Variants in PRKAG1 observed in about 807,000 individuals in gnomAD.
PRKAG1 encodes 5'-AMP-activated protein kinase subunit gamma-1.
In PRKAG1, 27 loss-of-function variants were observed where a neutral mutation model predicts 48.2. The ratio of observed to expected loss-of-function variants is 0.56; its 90% CI spans 0.41 to 0.77. The LOEUF (loss-of-function observed/expected upper bound fraction) is 0.77. PRKAG1 is among the 30% of genes least tolerant of loss of function. PRKAG1 has a pLI of 0.00. For synonymous variants in PRKAG1, 130 were observed against 147.7 expected, an observed-to-expected ratio of 0.88 and a Z score of 0.87; for missense variants, 287 against 398.3, an observed-to-expected ratio of 0.72 and a Z score of 2.38.
At chr12:49,009,138 T>TA (rs1197177425) in intron 2 of PRKAG1, among the ~76,000 whole-genome samples, 4 of 150,736 alleles carry the variant, frequency 2.7e-5, no homozygotes, top group African/African-American at 4.9e-5. Context: ...TTTTTTTTTT[T>TA]AAAGAGACAG....
chr12:49,014,563 CAG>C (rs1186984272), intron 1 of PRKAG1, among the ~76,000 whole-genome samples: 5 of 152,214 alleles, frequency 3.3e-5, no homozygotes, highest in South Asian at 2.1e-4. Context: ...AGCTCCATGG[CAG>C]AGAGAGAGCC....
At chr12:49,018,412 A>C (rs1163869534) in intron 1 of PRKAG1, 2 of 1,229,612 alleles carry the variant, frequency 1.6e-6, no homozygotes, top group Non-Finnish European at 1.0e-6. Flanking sequence ...TCAAACCTCT[A>C]AAAGGGCTTG....
intron 2 of PRKAG1, chr12:49,008,668 C>T (rs192829718): frequency 6.6e-6 from 1 of 152,238 alleles, no homozygotes; most frequent in African/African-American, 2.4e-5. Context: ...TTATTCTACC[C>T]TCATCCTTGG....
chr12:49,014,869 A>C (rs1941905232), intron 1 of PRKAG1, among the ~76,000 whole-genome samples: 1 of 152,200 alleles, frequency 6.6e-6, no homozygotes. Context: ...GGATCACAAC[A>C]ATTTTCATCT....
At chr12:49,009,507 C>G (rs1324150052) in intron 2 of PRKAG1, 1 of 152,106 alleles carries the variant, frequency 6.6e-6, no homozygotes, top group Non-Finnish European at 1.5e-5. Context: ...ATTTTTGCTA[C>G]TATATTTTTA....
Position 49,002,914 on chromosome 12 carries a change from TC to T in PRKAG1, c.980del (p.Gly327GlufsTer34), listed in dbSNP as rs749866771. ...TTCCCCCAGCTCAGGGCTTCTTCTC[TC>T]CACCTGTGAGCACCAGGGCCTGCAG... is the stretch of plus-strand genomic sequence containing the variant. The part of the protein sequence containing the change: ...DILQALVLTG[G>X]EKKP On this transcript the variant is annotated frameshift_variant, in exon 12 of 12. Coordinates refer to ENST00000548065, the MANE Select transcript of PRKAG1 (RefSeq NM_002733.5). LOFTEE classifies it high-confidence loss of function. 6.2e-7 allele frequency: 1 copy of T among 1,614,118 alleles called. No homozygotes were observed. The highest frequency in any genetic ancestry group is 1.7e-5 in the Admixed American group (1 of 60,028).
rs34210356 is a variant in PRKAG1, at chr12:49,002,908, C to G, written c.987G>C (p.Lys329Asn). The G allele has an allele frequency of 1.8e-4, 298 of 1,614,054 alleles. 1 individual carries two copies. The African/African-American group carries it at 3.6e-3, about 20-fold the overall frequency. The stretch of plus-strand genomic sequence containing the variant: ...GACCCCTTCCCCCAGCTCAGGGCTT[C>G]TTCTCTCCACCTGTGAGCACCAGGG... The part of the protein sequence containing the change: ...LQALVLTGGE[K>N]KP Residue 329 changes from lysine (K) to asparagine (N), a missense_variant, in exon 12 of 12, where the codon AAG becomes AAC. Lys to Asn is a moderately conservative substitution (Grantham distance 94, BLOSUM62 0). Around this residue, in one of 2 missense-constraint regions of PRKAG1, gnomAD observed 224 missense variants for 344.3 expected, o/e 0.65. Transcript: ENST00000548065.
At chr12:49,016,081 G>A (rs1941957982) in intron 1 of PRKAG1, among the ~76,000 whole-genome samples, 1 of 151,902 alleles carries the variant, frequency 6.6e-6, no homozygotes, top group East Asian at 1.9e-4. Context: ...GGGACTACAG[G>A]AACATACCAC....
intron 1 of PRKAG1, among the ~76,000 whole-genome samples, chr12:49,014,943 C>A (rs1460804446): frequency 2.0e-5 from 3 of 152,238 alleles, no homozygotes; most frequent in Non-Finnish European, 4.4e-5. Context: ...AACCATACTT[C>A]ATCCCCATAG....
chr12:49,003,246 C>G lies in PRKAG1; in HGVS notation c.786G>C (p.Val262=). ...EKTYNNLDVS[V]TKALQHRSHY... is the part of the protein sequence containing the mutation. ...GTGATCGATGTTGCAAGGCTTTAGT[C>G]ACAGATACATCTAGGTTGTTGTAGG... Residue 262 remains valine (V), a synonymous_variant, in exon 11 of 12, where the codon GTG becomes GTC. Coordinates refer to ENST00000548065, the MANE Select transcript of PRKAG1 (RefSeq NM_002733.5). 6.2e-7 allele frequency: 1 copy of G among 1,614,134 alleles called. No individual in the cohort carries two copies. The highest frequency in any genetic ancestry group is 8.5e-7 in the Non-Finnish European group (1 of 1,180,030).
At position 49,002,684 on chromosome 12, in the gene PRKAG1, A is replaced by T. The variant is rs976444904; in HGVS notation, c.*215T>A. The T allele has an allele frequency of 6.1e-6, 4 of 653,880 alleles. No individual in the cohort carries two copies. The highest frequency in any genetic ancestry group is 1.1e-5 in the Non-Finnish European group (4 of 359,158). 40.5% of individuals were successfully genotyped at this position (653,880 alleles called of 1,614,324 possible). On this transcript the variant is annotated 3_prime_UTR_variant, in exon 12 of 12. Coordinates refer to ENST00000548065, the MANE Select transcript of PRKAG1 (RefSeq NM_002733.5). ...ACAGGGGCTAGAACTGGCTAGGCTG[A>T]AAGTTTTTTCAAGTGTATGTGTGAG... is the stretch of plus-strand genomic sequence containing the variant.
chr12:49,004,861 G>GTGTA lies in PRKAG1; in HGVS notation c.410+102_410+103insTACA, dbSNP rs1322665271. ...TGTGTGTGTGTGTGTGTGTGTGTGT[G>GTGTA]TCTTTTCTCTCTTCTTCCCCTTTCC... On this transcript the variant is annotated intron_variant, in intron 7 of 11. Transcript: ENST00000548065. 246 of 1,035,282 alleles carry GTGTA rather than the reference G, an allele frequency of 2.4e-4. 1 individual carries two copies. Among genetic ancestry groups the GTGTA allele is most frequent in the Middle Eastern group, 6.0e-4 (2 of 3,360 alleles). 64.1% of individuals were successfully genotyped at this position (1,035,282 alleles called of 1,614,324 possible). A position where few individuals can be genotyped will look rare whatever the true frequency, so the allele number is the denominator to read the frequency against.
At chr12:49,013,880 A>C (rs1469009740) in intron 1 of PRKAG1, among the ~76,000 whole-genome samples, 1 of 151,916 alleles carries the variant, frequency 6.6e-6, no homozygotes, top group Non-Finnish European at 1.5e-5. Flanking sequence ...CATTTTTGTA[A>C]ATTTTTTTGT....
chr12:49,006,968 T>C (rs1172938804), intron 2 of PRKAG1, among the ~76,000 whole-genome samples: 1 of 144,700 alleles, frequency 6.9e-6, no homozygotes, highest in African/African-American at 2.6e-5. Flanking sequence ...AAACTCCGTG[T>C]CAAAAAAATA....
intron 2 of PRKAG1, chr12:49,008,540 G>A (rs542973372): frequency 4.6e-5 from 7 of 152,180 alleles, no homozygotes; most frequent in South Asian, 2.1e-4. Flanking sequence ...CTCCTATATC[G>A]CGTTTTTATC....
chr12:49,004,803 G>A, intron 7 of PRKAG1, 161 bp downstream of exon 7: 1 of 1,291,724 alleles, frequency 7.7e-7, no homozygotes, highest in South Asian at 1.3e-5. Flanking sequence ...GAATGAGAGA[G>A]AGAGAGAGAC....
chr12:49,005,887 A>G lies in PRKAG1; in HGVS notation c.59-35T>C. ...GTGGGATAGTTAGTAGCTTCCTTCC[A>G]CATAAAAACTCCCAATCAAAAGAGA... On this transcript the variant is annotated intron_variant, in intron 2 of 11. Transcript: ENST00000548065. This position sits in a 1 kb window ranked among gnomAD's most constrained non-coding sequence, Gnocchi z 4.1. The G allele has an allele frequency of 2.8e-6, 4 of 1,440,868 alleles. No homozygotes were observed. The highest frequency in any genetic ancestry group is 3.8e-6 in the Non-Finnish European group (4 of 1,059,070). The allele number at this position is 1,440,868 out of a possible 1,614,324, so 89.3% of individuals were successfully genotyped here.
intron 2 of PRKAG1, 54 bp downstream of exon 2, chr12:49,013,008 G>A (rs1412226488): frequency 2.0e-6 from 3 of 1,506,956 alleles, no homozygotes; most frequent in Non-Finnish European, 2.8e-6. Context: ...TGAAGACATT[G>A]TTAGGGTCAG....
intron 1 of PRKAG1, 113 bp downstream of exon 1, chr12:49,018,619 T>C (rs1407598152): frequency 1.3e-6 from 2 of 1,582,434 alleles, no homozygotes; most frequent in Non-Finnish European, 1.7e-6. Flanking sequence ...CCCGGCTGCT[T>C]TTTGTTTGCT....
Sources: gnomAD v4.1 joint callset for allele counts (sites outside exome capture counted in the v4.1 genomes callset) on GRCh38, gnomAD v4.1.1 for gene constraint, gnomAD v4.1.1 regional missense constraint, Gnocchi (gnomAD v3.1) non-coding constraint, MANE v1.5 for transcripts, NCBI Gene and HGNC (gene_info 2026-07-23, HGNC 2026-07-21) for gene names.